The following RPL13 variants were observed in gnomAD, a reference collection of about 807,000 sequenced individuals.
RPL13 encodes ribosomal protein L13, also known as large ribosomal subunit protein eL13.
RPL13 carries 1 observed loss-of-function variant against 21.4 expected under a neutral mutation model. The observed-to-expected ratio is 0.05, with a 90% CI of 0.02 to 0.22. The LOEUF (loss-of-function observed/expected upper bound fraction) is 0.22. Among genes scored for constraint, RPL13 ranks in the 10% least tolerant of loss-of-function variants. RPL13 has a pLI of 1.00. For missense variants in RPL13, 289 were observed against 303.0 expected, an observed-to-expected ratio of 0.95 and a Z score of 0.34; for synonymous variants, 143 against 120.5, an observed-to-expected ratio of 1.19 and a Z score of -1.23.
rs1203727031 is a variant in RPL13, at chr16:89,561,655, G to A, written c.324G>A (p.Glu108=). The A allele has an allele frequency of 4.3e-6, 7 of 1,613,908 alleles. No individual in the cohort carries two copies. In the Admixed American group the frequency reaches 5.0e-5, roughly 12 times the overall value. Residue 108 remains glutamate, a synonymous_variant, in exon 4 of 6, where the codon GAG becomes GAA. Transcript: ENST00000311528. ...CGAGGAGGCGGAACAAGTCCACGGA[G>A]TCCCTGCAGGCCAACGTGCAGCGGC... ...VDPRRRNKST[E]SLQANVQRLK... is the part of the protein sequence containing the mutation.
At chr16:89,561,510 T>A in intron 3 of RPL13, 68 bp from the exon 4 acceptor site, 1 of 1,612,562 alleles carries the variant, frequency 6.2e-7, no homozygotes, top group African/African-American at 1.3e-5. Context: ...TTGCTGAGGC[T>A]TTTCATCCAG....
intron 2 of RPL13, 57 bp downstream of exon 2, chr16:89,561,120 T>A (rs2152414419): frequency 1.3e-6 from 2 of 1,548,152 alleles, no homozygotes; most frequent in Non-Finnish European, 1.7e-6. Flanking sequence ...GCGCCTTGGC[T>A]TGCGGGTGGC....
At chr16:89,565,317 C>T (rs1011801940), downstream of RPL13, 1 of 136,834 alleles carries the variant, frequency 7.3e-6, no homozygotes, top group Admixed American at 7.4e-5. Context: ...GCCGGGCTGC[C>T]TGCTGCCTGC....
Position 89,563,799 on chromosome 16 carries a change from G to A in RPL13, c.*757G>A, listed in dbSNP as rs531024242. On this transcript the variant is annotated 3_prime_UTR_variant, in exon 6 of 6. Transcript: ENST00000311528. ...TTGGACTTTGGGGCGTCATTCTTAA[G>A]CTTGTTGTGCCCGGTAACCATGGTC... is the stretch of plus-strand genomic sequence containing the variant. 6.6e-6 allele frequency: 1 copy of A among 152,332 alleles called. No individual in the cohort carries two copies. The highest frequency in any genetic ancestry group is 1.5e-5 in the Non-Finnish European group (1 of 68,038). 9.4% of individuals were successfully genotyped at this position (152,332 alleles called of 1,614,324 possible). A position where few individuals can be genotyped will look rare whatever the true frequency, so the allele number is the denominator to read the frequency against.
chr16:89,565,025 TATC>T (rs1276013871), downstream of RPL13: 1 of 152,252 alleles, frequency 6.6e-6, no homozygotes, highest in East Asian at 1.9e-4. Context: ...AGGGTTCAGG[TATC>T]ATCTGTGCAC....
chr16:89,561,362 G>T lies in RPL13; in HGVS notation c.240G>T (p.Glu80Asp), dbSNP rs535468689. 6 of 1,607,678 alleles carry T rather than the reference G, an allele frequency of 3.7e-6. No individual in the cohort carries two copies. The highest frequency in any genetic ancestry group is 1.3e-5 in the African/African-American group (1 of 75,062). ...CCGGCCGCGGCTTCAGCCTGGAGGA[G>T]CTCAGGGTGAGTACTGGCAGCGCTG... The part of the protein sequence containing the change: ...VRAGRGFSLE[E>D]LRVAGIHKKV... The change falls in exon 3 of 6, where the codon GAG (glutamate) becomes GAT (aspartate). Residue 80 changes from glutamate (E) to aspartate (D), a missense_variant. Physicochemically the swap from Glu to Asp is conservative, Grantham distance 45. Coordinates refer to ENST00000311528, the MANE Select transcript of RPL13 (RefSeq NM_000977.4).
At chr16:89,562,462 C>G (rs885268) in intron 5 of RPL13, 71 bp downstream of exon 5, 256,390 of 1,449,432 alleles carry the variant, frequency 0.18, 23,411 homozygotes, top group Non-Finnish European at 0.19. Flanking sequence ...ATCTGAGATG[C>G]GGGTGATGGG....
At position 89,562,203 on chromosome 16, in the gene RPL13, A is replaced by G. The variant is rs933281057; in HGVS notation, c.421-132A>G. 3.8e-6 allele frequency: 3 copies of G among 789,386 alleles called. No homozygotes were observed. In the African/African-American group the frequency reaches 5.2e-5, roughly 14 times the overall value. The allele number at this position is 789,386 out of a possible 1,614,324, so 48.9% of individuals were successfully genotyped here. A position where few individuals can be genotyped will look rare whatever the true frequency, so the allele number is the denominator to read the frequency against. On this transcript the variant is annotated intron_variant, in intron 4 of 5. Coordinates refer to ENST00000311528, the MANE Select transcript of RPL13 (RefSeq NM_000977.4). ...ACTGTTCTTAACATTGGGGCCACAA[A>G]GTGTGTTGTAGAAAAGGCTCAGACA...
At chr16:89,561,984 C>A (rs375327918) in intron 4 of RPL13, 6 of 601,228 alleles carry the variant, frequency 1.0e-5, no homozygotes, top group African/African-American at 5.6e-5. Flanking sequence ...GTTGCTCTCC[C>A]TAAAATGCTT....
At position 89,564,104 on chromosome 16, in the gene RPL13, T is replaced by G. The variant is rs1246222761; in HGVS notation, c.*1062T>G. 6.6e-6 allele frequency: 1 copy of G among 152,280 alleles called. No individual in the cohort carries two copies. Among genetic ancestry groups the G allele is most frequent in the Non-Finnish European group, 1.5e-5 (1 of 68,112 alleles). The allele number at this position is 152,280 out of a possible 1,614,324, so 9.4% of individuals were successfully genotyped here. On this transcript the variant is annotated 3_prime_UTR_variant, in exon 6 of 6. Transcript: ENST00000311528. The stretch of plus-strand genomic sequence containing the variant: ...AGCTCACAGCAGCACCTGCTCTCCT[T>G]GGCAGCTATGGCCATGACAACCCCA...
chr16:89,562,995 A>G lies in RPL13; in HGVS notation c.589A>G (p.Lys197Glu). ...ANARLFGIRAKRAKEAAEQDV... is the reference protein window; with the variant it reads ...ANARLFGIRAERAKEAAEQDV... ...CGCCCGGCTCTTCGGCATACGGGCA[A>G]AAAGAGCCAAGGAAGCCGCAGAACA... The change falls in exon 6 of 6, where the codon AAA becomes GAA. Residue 197 changes from lysine (K) to glutamate (E), a missense_variant. Transcript: ENST00000311528. 1 of 1,575,352 alleles carries G rather than the reference A, an allele frequency of 6.3e-7. No individual in the cohort carries two copies. The highest frequency in any genetic ancestry group is 8.6e-7 in the Non-Finnish European group (1 of 1,161,344).
At position 89,560,889 on chromosome 16, in the gene RPL13, G is replaced by T. The variant is rs930828715; in HGVS notation, c.-20-51G>T. 5.0e-6 allele frequency: 7 copies of T among 1,392,544 alleles called. No homozygotes were observed. The African/African-American group carries it at 7.5e-5, about 15-fold the overall frequency. The allele number at this position is 1,392,544 out of a possible 1,614,324, so 86.3% of individuals were successfully genotyped here. A position where few individuals can be genotyped will look rare whatever the true frequency, so the allele number is the denominator to read the frequency against. On this transcript the variant is annotated intron_variant, in intron 1 of 5. Transcript: ENST00000311528. ...AGGGTTCGGGGCGGAGGCCCGGGGGGGTGCGCGCGCCCGGGGTCCGGCCTC... is the reference window on the plus strand; with the variant it reads ...AGGGTTCGGGGCGGAGGCCCGGGGGTGTGCGCGCGCCCGGGGTCCGGCCTC...
rs1364057251 is a variant in RPL13 at position 89,562,350 on chromosome 16, C to T, written c.436C>T (p.Leu146=). The T allele has an allele frequency of 6.2e-7, 1 of 1,613,396 alleles. No homozygotes were observed. Among genetic ancestry groups the T allele is most frequent in the Non-Finnish European group, 8.5e-7 (1 of 1,179,926 alleles). ...KGDSSAEELK[L]ATQLTGPVMP... ...TCACCAACAGGCTGAAGAACTGAAA[C>T]TGGCCACCCAGCTGACCGGACCGGT... is the stretch of plus-strand genomic sequence containing the variant. Residue 146 remains leucine, a synonymous_variant, in exon 5 of 6, where the codon CTG becomes TTG. Transcript: ENST00000311528.
chr16:89,562,272 G>C (rs551235911), intron 4 of RPL13, 63 bp from the exon 5 acceptor site: 1 of 1,535,698 alleles, frequency 6.5e-7, no homozygotes, highest in South Asian at 1.1e-5. Context: ...TTGGGGCCAG[G>C]TGAGGGTGGA....
rs2058749737 is a variant in RPL13, at chr16:89,562,139, G to A, written c.421-196G>A. ...GGTAGATAACTGTCTCGTGCGTGTT[G>A]CGTCAACTCAGTAAGATATAGTCAC... On this transcript the variant is annotated intron_variant, in intron 4 of 5. Transcript: ENST00000311528. The A allele has an allele frequency of 8.0e-6, 5 of 628,486 alleles. No homozygotes were observed. In the East Asian group the frequency reaches 1.4e-4, roughly 18 times the overall value. The allele number at this position is 628,486 out of a possible 1,614,324, so 38.9% of individuals were successfully genotyped here. A position where few individuals can be genotyped will look rare whatever the true frequency, so the allele number is the denominator to read the frequency against.
At chr16:89,562,208 G>T in intron 4 of RPL13, 127 bp from the exon 5 acceptor site, 1 of 821,436 alleles carries the variant, frequency 1.2e-6, no homozygotes, top group South Asian at 1.5e-5. Context: ...CACAAAGTGT[G>T]TTGTAGAAAA....
rs1597674222 is a variant in RPL13 at position 89,561,248 on chromosome 16, G to A, written c.126G>A (p.Lys42=). 1.0e-5 allele frequency: 16 copies of A among 1,549,592 alleles called. No homozygotes were observed. The highest frequency in any genetic ancestry group is 1.4e-5 in the Non-Finnish European group (16 of 1,152,604). ...KIRRRKARQA[K]ARRIAPRPAS... is the part of the protein sequence containing the mutation. The stretch of plus-strand genomic sequence containing the variant: ...CCAGACGTAAGGCCCGGCAAGCCAA[G>A]GCGCGCCGCATCGCCCCGCGCCCCG... The change falls in exon 3 of 6, where the codon AAG becomes AAA. Residue 42 remains lysine (K), a synonymous_variant. Coordinates refer to ENST00000311528, the MANE Select transcript of RPL13 (RefSeq NM_000977.4).
rs1281152859 is a variant in RPL13, at chr16:89,564,454, A to G, written c.*1412A>G. ...GCCGGGTGCAGTGGCTCACGCCTGTAATCCTAACACTGGGAGGCCGAGGCG... is the reference window on the plus strand; with the variant it reads ...GCCGGGTGCAGTGGCTCACGCCTGTGATCCTAACACTGGGAGGCCGAGGCG... On this transcript the variant is annotated 3_prime_UTR_variant, in exon 6 of 6. Transcript: ENST00000311528. 6.6e-6 allele frequency: 1 copy of G among 152,178 alleles called. No individual in the cohort carries two copies. Among genetic ancestry groups the G allele is most frequent in the Non-Finnish European group, 1.5e-5 (1 of 68,044 alleles). 9.4% of individuals were successfully genotyped at this position (152,178 alleles called of 1,614,324 possible).
Position 89,563,992 on chromosome 16 carries a change from T to C in RPL13, c.*950T>C, listed in dbSNP as rs1242692913. On this transcript the variant is annotated 3_prime_UTR_variant, in exon 6 of 6. Transcript: ENST00000311528. ...CAGAGAGAGTGCCAGGGTGCCCTGG[T>C]CTGAGCTGGCATCCCCATGTCTTCT... 1.3e-5 allele frequency: 2 copies of C among 152,260 alleles called. No individual in the cohort carries two copies. Among genetic ancestry groups the C allele is most frequent in the East Asian group, 1.9e-4 (1 of 5,200 alleles). The allele number at this position is 152,260 out of a possible 1,614,324, so 9.4% of individuals were successfully genotyped here.
Sources: gnomAD v4.1 joint callset for allele counts on GRCh38, gnomAD v4.1.1 for gene constraint, MANE v1.5 for transcripts, NCBI Gene and HGNC (gene_info 2026-07-23, HGNC 2026-07-21) for gene names.